The following SLC22A23 variants were observed in gnomAD, a reference collection of about 807,000 sequenced individuals.
The protein encoded by SLC22A23 is solute carrier family 22 member 23, also known as ion transporter protein.
A neutral mutation model predicts 61.0 loss-of-function variants in SLC22A23; 26 were observed. The observed-to-expected ratio is 0.43, with a 90% confidence interval of 0.31 to 0.59. SLC22A23 has a LOEUF of 0.59. Among genes scored for constraint, SLC22A23 ranks in the 20% least tolerant of loss-of-function variants. The pLI is 0.11. For missense variants in SLC22A23, 796 were observed against 934.7 expected, an observed-to-expected ratio of 0.85 and a Z score of 1.94; for synonymous variants, 430 against 413.9, an observed-to-expected ratio of 1.04 and a Z score of -0.47.
At chr6:3,362,726 C>T (rs567297288) in intron 3 of SLC22A23, among the ~76,000 whole-genome samples, 1 of 152,266 alleles carries the variant, frequency 6.6e-6, no homozygotes, top group South Asian at 2.1e-4. Context: ...AGAACCAGAG[C>T]CCAGCTCTCT....
In SLC22A23 at chr6:3,330,575, A is replaced by G. The variant is rs931254029; in HGVS notation, c.914-6573T>C. On this transcript the variant is annotated intron_variant, in intron 3 of 9. Transcript: ENST00000406686. The surrounding 1 kb of genome is among the most constrained non-coding windows in gnomAD (Gnocchi z 4.7). ...TAATTACTGCCACAGGCAAGGACGC[A>G]TGGCCCCCAGAATCCTGGAAAATAG... Among the ~76,000 whole-genome samples the G allele has an allele frequency of 1.3e-5, 2 of 152,242 alleles. No individual in the cohort carries two copies. The highest frequency in any genetic ancestry group is 1.3e-4 in the Admixed American group (2 of 15,288).
rs989876471 is a variant in SLC22A23 at position 3,309,170 on chromosome 6, G to A, written c.1083-10952C>T. Among the ~76,000 whole-genome samples, 124 of 152,028 alleles carry A rather than the reference G, an allele frequency of 8.2e-4. 1 individual carries two copies. The highest frequency in any genetic ancestry group is 2.2e-3 in the African/African-American group (91 of 41,458). On this transcript the variant is annotated intron_variant, in intron 4 of 9. Transcript: ENST00000406686. This position sits in a 1 kb window ranked among gnomAD's most constrained non-coding sequence, Gnocchi z 4.7. Reference sequence around the variant, plus strand: ...GCAAAAATTAGCCAAGCATGGTGGCGGCTGCCTATAATCCCAGCTATTCAG... The same window carrying A: ...GCAAAAATTAGCCAAGCATGGTGGCAGCTGCCTATAATCCCAGCTATTCAG...
At chr6:3,292,961 G>A (rs1386878334) in intron 5 of SLC22A23, among the ~76,000 whole-genome samples, 7 of 152,184 alleles carry the variant, frequency 4.6e-5, no homozygotes, top group Admixed American at 4.6e-4. Context: ...CTGCTGACCC[G>A]CTGGGAGGAG....
At chr6:3,305,458 C>T (rs17136384) in intron 4 of SLC22A23, among the ~76,000 whole-genome samples, 2,243 of 152,202 alleles carry the variant, frequency 0.015, 51 homozygotes, top group African/African-American at 0.051. Context: ...TTTTATGACG[C>T]GCTCCGTGAA....
rs913427285 is a variant in SLC22A23, at chr6:3,329,872, G to A, written c.914-5870C>T. ...CAAGTCTGCACAACTCACTGGCAGA[G>A]GGAGGTGAGACGGGCTCAGGAAAGG... On this transcript the variant is annotated intron_variant, in intron 3 of 9. Transcript: ENST00000406686. The surrounding 1 kb of genome is among the most constrained non-coding windows in gnomAD (Gnocchi z 4.8). 6.6e-6 allele frequency among the ~76,000 whole-genome samples: 1 copy of A among 152,226 alleles called. No homozygotes were observed.
chr6:3,294,885 G>A (rs1379121530), intron 5 of SLC22A23, among the ~76,000 whole-genome samples: 1 of 152,174 alleles, frequency 6.6e-6, no homozygotes, highest in Non-Finnish European at 1.5e-5. Flanking sequence ...GTTTTCCCCC[G>A]GCATAAGTCC....
At chr6:3,290,152 A>G (rs1276613036) in intron 5 of SLC22A23, 3 of 490,970 alleles carry the variant, frequency 6.1e-6, no homozygotes, top group Non-Finnish European at 1.1e-5. Context: ...GGAACCAGTC[A>G]GAGTGCACAC....
intron 3 of SLC22A23, among the ~76,000 whole-genome samples, chr6:3,396,708 G>A (rs761148701): frequency 6.6e-6 from 1 of 152,220 alleles, no homozygotes; most frequent in Non-Finnish European, 1.5e-5. Flanking sequence ...CAGGCTGGCA[G>A]GCCATCGACC....
intron 3 of SLC22A23, among the ~76,000 whole-genome samples, chr6:3,391,155 T>C (rs915514081): frequency 6.6e-6 from 1 of 152,244 alleles, no homozygotes; most frequent in Non-Finnish European, 1.5e-5. Context: ...TAGGTTATCA[T>C]TCATTATTCA....
intron 3 of SLC22A23, chr6:3,377,782 G>A (rs1766675127): frequency 6.6e-6 from 1 of 152,510 alleles, no homozygotes; most frequent in South Asian, 2.1e-4. Context: ...ATCCCAAGAT[G>A]GAATGACACT....
At chr6:3,279,938 T>C (rs1270825423) in intron 9 of SLC22A23, among the ~76,000 whole-genome samples, 2 of 152,168 alleles carry the variant, frequency 1.3e-5, no homozygotes, top group African/African-American at 4.8e-5. Flanking sequence ...GCAAACTTCA[T>C]TGAATTAAGG....
At chr6:3,378,599 C>A (rs1191617572) in intron 3 of SLC22A23, among the ~76,000 whole-genome samples, 1 of 151,704 alleles carries the variant, frequency 6.6e-6, no homozygotes, top group Admixed American at 6.6e-5. Flanking sequence ...ATCTGTCCAG[C>A]CTTAGATATG....
intron 1 of SLC22A23, among the ~76,000 whole-genome samples, chr6:3,433,981 C>G (rs1771036873): frequency 6.6e-6 from 1 of 152,196 alleles, no homozygotes; most frequent in South Asian, 2.1e-4. Flanking sequence ...CACTTAACAT[C>G]TGTCCATTTT....
intron 3 of SLC22A23, among the ~76,000 whole-genome samples, chr6:3,326,562 C>A (rs1763294295): frequency 6.6e-6 from 1 of 152,176 alleles, no homozygotes; most frequent in South Asian, 2.1e-4. Flanking sequence ...TCTGACCTCT[C>A]CACTCCTTCT....
At chr6:3,341,070 C>G (rs1418328311) in intron 3 of SLC22A23, among the ~76,000 whole-genome samples, 1 of 152,188 alleles carries the variant, frequency 6.6e-6, no homozygotes, top group Non-Finnish European at 1.5e-5. Context: ...CTGTGAGCTC[C>G]TGGCTCTGAA....
chr6:3,455,036 T>C (rs973149242), intron 1 of SLC22A23, among the ~76,000 whole-genome samples: 4 of 152,230 alleles, frequency 2.6e-5, no homozygotes, highest in African/African-American at 4.8e-5. Context: ...ATATCTCTTA[T>C]ATGTTAAGAA....
intron 4 of SLC22A23, among the ~76,000 whole-genome samples, chr6:3,316,723 G>A (rs1762664918): frequency 6.6e-6 from 1 of 152,302 alleles, no homozygotes; most frequent in East Asian, 1.9e-4. Context: ...CTGCAGCCTT[G>A]AACTCCTGAG....
At chr6:3,445,703 G>T (rs929133671) in intron 1 of SLC22A23, among the ~76,000 whole-genome samples, 1 of 152,196 alleles carries the variant, frequency 6.6e-6, no homozygotes, top group African/African-American at 2.4e-5. Context: ...GAACCAAGGG[G>T]CTGAAGGAAG....
chr6:3,289,035 G>C (rs558472548), intron 6 of SLC22A23, among the ~76,000 whole-genome samples: 1 of 152,350 alleles, frequency 6.6e-6, no homozygotes, highest in East Asian at 1.9e-4. Flanking sequence ...TCACAAATGA[G>C]TGCAACACCC....
Sources: gnomAD v4.1 joint callset for allele counts (sites outside exome capture counted in the v4.1 genomes callset) on GRCh38, gnomAD v4.1.1 for gene constraint, Gnocchi (gnomAD v3.1) non-coding constraint, MANE v1.5 for transcripts, NCBI Gene and HGNC (gene_info 2026-07-23, HGNC 2026-07-21) for gene names.